PTPRD: variants seen among roughly 807,000 people sequenced by gnomAD.
The protein encoded by PTPRD is receptor-type tyrosine-protein phosphatase delta.
A neutral mutation model predicts 214.5 loss-of-function variants in PTPRD; 34 were observed. The observed-to-expected ratio is 0.16, with a 90% CI of 0.12 to 0.21. The LOEUF is 0.21. PTPRD is among the 10% of genes least tolerant of loss of function. The pLI is 1.00. For missense variants in PTPRD, 2,545 were observed against 2,398.7 expected (o/e 1.06, Z -1.27); for synonymous variants, 1,128 against 845.7 (o/e 1.33, Z -5.79).
chr9:8,676,143 C>T (rs1018879433), intron 12 of PTPRD, among the ~76,000 whole-genome samples: 8 of 152,090 alleles, frequency 5.3e-5, no homozygotes, highest in Admixed American at 5.2e-4. Context: ...AAGACTGTTG[C>T]CTGGCATGTA....
intron 7 of PTPRD, among the ~76,000 whole-genome samples, chr9:9,627,485 AAAGT>A (rs1460316121): frequency 1.3e-5 from 2 of 152,196 alleles, no homozygotes; most frequent in African/African-American, 4.8e-5. Flanking sequence ...TTTTCTCTAA[AAAGT>A]AACTACATTT....
rs528398084 is a variant in PTPRD at position 9,664,852 on chromosome 9, C to A, written c.-287+69681G>T. On this transcript the variant is annotated intron_variant, in intron 7 of 45. Transcript: ENST00000381196. ...GAAAGCTTTTCTGGAAGCTGGTAAC[C>A]TTTAGCTTCCTGAAACTAGAGCATA... is the stretch of plus-strand genomic sequence containing the variant. Among the ~76,000 whole-genome samples the A allele has an allele frequency of 9.2e-5, 14 of 151,752 alleles. No individual in the cohort carries two copies. In the South Asian group the frequency reaches 1.0e-3, roughly 11 times the overall value.
intron 2 of PTPRD, among the ~76,000 whole-genome samples, chr9:10,488,488 G>A (rs1470241606): frequency 6.6e-6 from 1 of 152,106 alleles, no homozygotes; most frequent in East Asian, 1.9e-4. Context: ...AAGGTCCTGG[G>A]ACTCTACAAT....
At chr9:10,008,117 A>G (rs1238397355) in intron 4 of PTPRD, among the ~76,000 whole-genome samples, 1 of 151,946 alleles carries the variant, frequency 6.6e-6, no homozygotes, top group Non-Finnish European at 1.5e-5. Context: ...ATAAAATCTT[A>G]AGCACCTCAA....
At position 9,926,728 on chromosome 9, in the gene PTPRD, A is replaced by C. The variant is rs570244059; in HGVS notation, c.-368+11779T>G. Among the ~76,000 whole-genome samples the C allele has an allele frequency of 7.3e-4, 111 of 152,314 alleles. 2 individuals carry two copies. Among genetic ancestry groups the C allele is most frequent in the African/African-American group, 2.3e-3 (95 of 41,602 alleles). On this transcript the variant is annotated intron_variant, in intron 5 of 45. Transcript: ENST00000381196. ...GGGTTAATGTGAAGATTTCAAGAGA[A>C]AATTTAATAAAGAACTACTTATGCA...
chr9:9,714,215 C>G (rs2097781173), intron 7 of PTPRD, among the ~76,000 whole-genome samples: 1 of 151,790 alleles, frequency 6.6e-6, no homozygotes, highest in African/African-American at 2.4e-5. Context: ...CTACTTTTAC[C>G]ATGGGGCTAT....
rs149572090 is a variant in PTPRD at position 10,503,380 on chromosome 9, A to G, written c.-600+109018T>C. ...AGAGTTCAAAGTGATTTAATTTTCA[A>G]TGGTAATAAATACCTTAATATTATC... On this transcript the variant is annotated intron_variant, in intron 2 of 45. Transcript: ENST00000381196. Among the ~76,000 whole-genome samples the G allele has an allele frequency of 1.0e-3, 158 of 152,092 alleles. 1 individual carries two copies. Among genetic ancestry groups the G allele is most frequent in the Admixed American group, 7.0e-3 (107 of 15,268 alleles).
At chr9:10,591,254 T>C (rs1335023286) in intron 2 of PTPRD, among the ~76,000 whole-genome samples, 2 of 151,942 alleles carry the variant, frequency 1.3e-5, no homozygotes, top group Non-Finnish European at 2.9e-5. Flanking sequence ...TTTTTGTTGG[T>C]GCATGTGTAT....
At chr9:9,458,715 T>C (rs2093339189) in intron 8 of PTPRD, among the ~76,000 whole-genome samples, 1 of 151,982 alleles carries the variant, frequency 6.6e-6, no homozygotes, top group Non-Finnish European at 1.5e-5. Context: ...TCAAGGTAGG[T>C]GGATTGCTTC....
At chr9:9,754,218 A>G (rs2098547954) in intron 6 of PTPRD, among the ~76,000 whole-genome samples, 1 of 152,108 alleles carries the variant, frequency 6.6e-6, no homozygotes, top group African/African-American at 2.4e-5. Context: ...TTTGAAAAAC[A>G]GGGACTATCT....
intron 11 of PTPRD, among the ~76,000 whole-genome samples, chr9:8,976,913 C>T (rs781398517): frequency 1.4e-4 from 22 of 152,008 alleles, no homozygotes; most frequent in Admixed American, 3.9e-4. Flanking sequence ...ATCTCTAACC[C>T]TGACTTTTCT....
chr9:10,322,636 T>C (rs748681345), intron 3 of PTPRD, among the ~76,000 whole-genome samples: 1 of 152,080 alleles, frequency 6.6e-6, no homozygotes, highest in Non-Finnish European at 1.5e-5. Context: ...TTAAAATATT[T>C]AGAAATAAAT....
chr9:9,598,779 T>A (rs144905280), intron 7 of PTPRD, among the ~76,000 whole-genome samples: 88 of 152,140 alleles, frequency 5.8e-4, no homozygotes, highest in Non-Finnish European at 9.3e-4. Flanking sequence ...TCAATCTCTA[T>A]CACAGTGGCT....
At chr9:8,526,728 A>C in intron 16 of PTPRD, 84 bp from the exon 17 acceptor site, 1 of 1,085,136 alleles carries the variant, frequency 9.2e-7, no homozygotes, top group Non-Finnish European at 1.3e-6. Context: ...GGGGAGAAGA[A>C]TTAAATTAGA....
At chr9:10,427,715 G>C (rs2098636092) in intron 2 of PTPRD, among the ~76,000 whole-genome samples, 1 of 151,850 alleles carries the variant, frequency 6.6e-6, no homozygotes, top group Non-Finnish European at 1.5e-5. Context: ...CTTGGATATA[G>C]CAAAAAAAAG....
chr9:8,394,858 G>C (rs1236385003), intron 36 of PTPRD, among the ~76,000 whole-genome samples: 1 of 152,020 alleles, frequency 6.6e-6, no homozygotes, highest in Non-Finnish European at 1.5e-5. Context: ...ACCTGATGGG[G>C]CAAAAAATAA....
intron 8 of PTPRD, among the ~76,000 whole-genome samples, chr9:9,519,058 CAATT>C (rs1337860122): frequency 1.3e-5 from 2 of 151,732 alleles, no homozygotes; most frequent in African/African-American, 2.4e-5. Context: ...AGACCAAAAA[CAATT>C]AATCTCCATG....
At chr9:9,883,643 C>CAA (rs2069634152) in intron 5 of PTPRD, among the ~76,000 whole-genome samples, 2 of 152,120 alleles carry the variant, frequency 1.3e-5, no homozygotes, top group Non-Finnish European at 2.9e-5. Flanking sequence ...CAATCACCAA[C>CAA]AATTCTAAAA....
At chr9:8,930,805 GTTGT>G (rs1474451853) in intron 11 of PTPRD, among the ~76,000 whole-genome samples, 3 of 152,040 alleles carry the variant, frequency 2.0e-5, no homozygotes, top group Non-Finnish European at 2.9e-5. Context: ...TTTTGATGGG[GTTGT>G]TTGTTTTTTT....
Sources: allele counts gnomAD v4.1 joint callset (sites outside exome capture counted in the v4.1 genomes callset), GRCh38; gene constraint gnomAD v4.1.1; transcripts MANE v1.5; gene names NCBI Gene and HGNC (gene_info 2026-07-23, HGNC 2026-07-21).